MACROD2: variants seen among roughly 807,000 people sequenced by gnomAD.
MACROD2 encodes ADP-ribose glycohydrolase MACROD2.
Under a neutral mutation model 70.4 loss-of-function variants are expected in MACROD2, and 36 were observed. The ratio of observed to expected loss-of-function variants is 0.51; its 90% confidence interval spans 0.39 to 0.68. The LOEUF is 0.68. MACROD2 is among the 30% of genes least tolerant of loss of function. MACROD2 has a pLI of 0.00. For synonymous variants in MACROD2, 172 were observed against 178.8 expected (o/e 0.96, Z 0.30); for missense variants, 496 against 538.4 (o/e 0.92, Z 0.78).
chr20:15,907,558 T>C (rs1488526466), intron 10 of MACROD2, among the ~76,000 whole-genome samples: 1 of 152,272 alleles, frequency 6.6e-6, no homozygotes, highest in African/African-American at 2.4e-5. Context: ...ATATTACATA[T>C]GTAGGCATGC....
intron 2 of MACROD2, among the ~76,000 whole-genome samples, chr20:14,077,480 T>TA (rs2053929310): frequency 6.6e-6 from 1 of 152,226 alleles, no homozygotes; most frequent in African/African-American, 2.4e-5. Context: ...TATTGGTCGT[T>TA]AAAATTACAT....
intron 5 of MACROD2, among the ~76,000 whole-genome samples, chr20:15,229,600 C>T (rs757970494): frequency 4.6e-5 from 7 of 152,126 alleles, no homozygotes; most frequent in Non-Finnish European, 8.8e-5. Flanking sequence ...TTTATTTCCC[C>T]AGTTTATTTC....
At chr20:14,484,083 C>T (rs2084692940) in intron 3 of MACROD2, among the ~76,000 whole-genome samples, 1 of 151,992 alleles carries the variant, frequency 6.6e-6, no homozygotes, top group African/African-American at 2.4e-5. Flanking sequence ...CATACCAAAA[C>T]ATTTGATTCA....
intron 8 of MACROD2, among the ~76,000 whole-genome samples, chr20:15,695,281 G>A (rs1454064757): frequency 6.6e-6 from 1 of 152,018 alleles, no homozygotes; most frequent in Non-Finnish European, 1.5e-5. Context: ...GATGGGGATT[G>A]CATTGAATTT....
At chr20:15,614,795 G>A (rs2049015816) in intron 8 of MACROD2, among the ~76,000 whole-genome samples, 2 of 151,988 alleles carry the variant, frequency 1.3e-5, no homozygotes, top group South Asian at 4.2e-4. Context: ...AGAATAATGG[G>A]TGTTAACTTT....
At chr20:14,215,229 CAT>C (rs1468195355) in intron 3 of MACROD2, among the ~76,000 whole-genome samples, 1 of 149,654 alleles carries the variant, frequency 6.7e-6, no homozygotes, top group African/African-American at 2.5e-5. Flanking sequence ...TATTTTCCAT[CAT>C]ATATATATTC....
At chr20:14,317,437 G>A (rs1327494474) in intron 3 of MACROD2, among the ~76,000 whole-genome samples, 3 of 151,950 alleles carry the variant, frequency 2.0e-5, no homozygotes, top group Non-Finnish European at 4.4e-5. Context: ...GGCCAACATG[G>A]TGAAACCCCT....
chr20:14,384,800 T>A (rs2083454402), intron 3 of MACROD2, among the ~76,000 whole-genome samples: 1 of 152,158 alleles, frequency 6.6e-6, no homozygotes, highest in African/African-American at 2.4e-5. Flanking sequence ...CTAAGTGAAA[T>A]TAAACAGCAT....
intron 7 of MACROD2, among the ~76,000 whole-genome samples, chr20:15,467,253 A>C (rs1199797597): frequency 6.6e-6 from 1 of 152,226 alleles, no homozygotes; most frequent in African/African-American, 2.4e-5. Flanking sequence ...GCCAACTCCG[A>C]AGTGTATGTT....
chr20:16,033,951 T>C (rs73237784), intron 15 of MACROD2, among the ~76,000 whole-genome samples: 2,749 of 152,090 alleles, frequency 0.018, 78 homozygotes, highest in East Asian at 0.066. Context: ...GTTGGAGTTG[T>C]GGTTTGTTGA....
intron 4 of MACROD2, among the ~76,000 whole-genome samples, chr20:14,594,524 T>C (rs79038316): frequency 0.042 from 6,360 of 152,304 alleles, 167 homozygotes; most frequent in African/African-American, 0.07. Flanking sequence ...AAGTAAACCT[T>C]AATATAACAT....
At chr20:14,222,030 T>C (rs538308846) in intron 3 of MACROD2, among the ~76,000 whole-genome samples, 2 of 152,212 alleles carry the variant, frequency 1.3e-5, no homozygotes, top group Non-Finnish European at 2.9e-5. Context: ...TATACACTAT[T>C]GGTAGGAATG....
chr20:14,811,242 A>G (rs563099554), intron 5 of MACROD2, among the ~76,000 whole-genome samples: 4 of 152,140 alleles, frequency 2.6e-5, no homozygotes, highest in Non-Finnish European at 4.4e-5. Context: ...AAACAGATAT[A>G]TAGACCAATG....
At chr20:15,425,587 T>G (rs1396417393) in intron 6 of MACROD2, among the ~76,000 whole-genome samples, 1 of 152,208 alleles carries the variant, frequency 6.6e-6, no homozygotes, top group Non-Finnish European at 1.5e-5. Flanking sequence ...GCTAAGCAAT[T>G]GAAAAATTCT....
chr20:15,790,613 C>G (rs1010523850), intron 8 of MACROD2, among the ~76,000 whole-genome samples: 3 of 151,692 alleles, frequency 2.0e-5, no homozygotes, highest in African/African-American at 7.3e-5. Flanking sequence ...AGATTAATCT[C>G]TAGATGGTAG....
chr20:15,325,468 C>A (rs942333663), intron 6 of MACROD2, among the ~76,000 whole-genome samples: 1 of 152,044 alleles, frequency 6.6e-6, no homozygotes, highest in Non-Finnish European at 1.5e-5. Context: ...CCATTGTTCT[C>A]CTTTATATTT....
chr20:15,640,263 T>A (rs2049438867), intron 8 of MACROD2, among the ~76,000 whole-genome samples: 1 of 143,740 alleles, frequency 7.0e-6, no homozygotes, highest in African/African-American at 2.6e-5. Context: ...AGTGAAAGAG[T>A]GAGACAGTGA....
At chr20:15,979,801 C>G (rs180677729) in intron 13 of MACROD2, among the ~76,000 whole-genome samples, 174 of 152,094 alleles carry the variant, frequency 1.1e-3, no homozygotes, top group African/African-American at 4.0e-3. Flanking sequence ...TAAAAGTAAT[C>G]AAGAGTTGGC....
intron 4 of MACROD2, among the ~76,000 whole-genome samples, chr20:14,560,721 T>G (rs1302056115): frequency 6.6e-6 from 1 of 151,884 alleles, no homozygotes; most frequent in African/African-American, 2.4e-5. Context: ...TTACCTATCC[T>G]GTTACCACTA....
Sources: gnomAD v4.1 joint callset for allele counts (sites outside exome capture counted in the v4.1 genomes callset) on GRCh38, gnomAD v4.1.1 for gene constraint, MANE v1.5 for transcripts, NCBI Gene and HGNC (gene_info 2026-07-23, HGNC 2026-07-21) for gene names.